KCNH1: variants seen among roughly 807,000 people sequenced by gnomAD.
KCNH1 encodes the protein voltage-gated delayed rectifier potassium channel KCNH1.
KCNH1 carries 27 observed loss-of-function variants against 69.2 expected under a neutral mutation model. The observed-to-expected ratio is 0.39, with a 90% CI of 0.29 to 0.54. The LOEUF (loss-of-function observed/expected upper bound fraction) is 0.54, where lower values mean the gene tolerates loss of function less well. Among genes scored for constraint, KCNH1 ranks in the 20% least tolerant of loss-of-function variants. The probability of loss-of-function intolerance (pLI) is 0.68; values close to 1 mark genes in which losing one functional copy is unlikely to be tolerated. For synonymous variants in KCNH1, 456 were observed against 487.7 expected (o/e 0.93, Z 0.86); for missense variants, 798 against 1,261.6 (o/e 0.63, Z 5.57).
intron 7 of KCNH1, among the ~76,000 whole-genome samples, chr1:210,827,841 C>CTGTT (rs761807594): frequency 6.6e-6 from 1 of 152,024 alleles, no homozygotes; most frequent in African/African-American, 2.4e-5. Flanking sequence ...CTCTTGTTTT[C>CTGTT]TGTTTGTTTG....
rs904007536 is a variant in KCNH1 at position 210,868,287 on chromosome 1, A to C, written c.1462+51353T>G. Among the ~76,000 whole-genome samples, 6 of 152,064 alleles carry C rather than the reference A, an allele frequency of 3.9e-5. 1 individual carries two copies. The highest frequency in any genetic ancestry group is 3.4e-3 in the Middle Eastern group (1 of 294). On this transcript the variant is annotated intron_variant, in intron 7 of 10. Coordinates refer to ENST00000271751, the MANE Select transcript of KCNH1 (RefSeq NM_172362.3). ...GTCCAAATCTTTTGCCTATTTAAAA[A>C]ATTTATTTTTAATTGAGTTGTATAA... is the stretch of plus-strand genomic sequence containing the variant.
chr1:210,765,259 G>T (rs947032992), intron 10 of KCNH1, among the ~76,000 whole-genome samples: 1 of 152,106 alleles, frequency 6.6e-6, no homozygotes, highest in Non-Finnish European at 1.5e-5. Context: ...TAATGGTGGC[G>T]GGTGGAAGGG....
intron 3 of KCNH1, among the ~76,000 whole-genome samples, chr1:211,093,460 A>T (rs903597899): frequency 4.0e-5 from 6 of 151,832 alleles, no homozygotes; most frequent in African/African-American, 1.5e-4. Context: ...TAATTTTTGT[A>T]TTTTTGGTAG....
intron 7 of KCNH1, among the ~76,000 whole-genome samples, chr1:210,889,776 G>A (rs1686704975): frequency 6.6e-6 from 1 of 152,106 alleles, no homozygotes; most frequent in Non-Finnish European, 1.5e-5. Context: ...CAAATCATGA[G>A]TGAACTCCCA....
At chr1:210,977,301 G>T (rs900878782) in intron 6 of KCNH1, among the ~76,000 whole-genome samples, 1 of 152,112 alleles carries the variant, frequency 6.6e-6, no homozygotes, top group Non-Finnish European at 1.5e-5. Flanking sequence ...TCGTGAGGTG[G>T]GGGGAGTGGG....
At chr1:210,977,374 C>T (rs1017142660) in intron 6 of KCNH1, among the ~76,000 whole-genome samples, 1 of 152,000 alleles carries the variant, frequency 6.6e-6, no homozygotes, top group African/African-American at 2.4e-5. Context: ...AGCACACCAA[C>T]ATGGCACATG....
Position 210,920,719 on chromosome 1 carries a change from T to G in KCNH1, c.1033-650A>C, listed in dbSNP as rs557257978. Among the ~76,000 whole-genome samples, 34 of 152,224 alleles carry G rather than the reference T, an allele frequency of 2.2e-4. 1 individual carries two copies. The highest frequency in any genetic ancestry group is 7.2e-4 in the Admixed American group (11 of 15,300). On this transcript the variant is annotated intron_variant, in intron 6 of 10. Transcript: ENST00000271751. ...AGTTTTTAAAAAGCTAAAAATAAATTAAGAAATAGCTGAGAAGAATAAAGA... is the reference window on the plus strand; with the variant it reads ...AGTTTTTAAAAAGCTAAAAATAAATGAAGAAATAGCTGAGAAGAATAAAGA...
intron 5 of KCNH1, among the ~76,000 whole-genome samples, chr1:211,048,484 T>G (rs1298772996): frequency 1.3e-5 from 2 of 152,112 alleles, no homozygotes; most frequent in Non-Finnish European, 2.9e-5. Context: ...TATATACATA[T>G]ATACATATAC....
chr1:210,822,292 G>A (rs532071947), intron 7 of KCNH1, among the ~76,000 whole-genome samples: 2 of 152,166 alleles, frequency 1.3e-5, no homozygotes, highest in Admixed American at 1.3e-4. Flanking sequence ...TCAGAGCCCT[G>A]GGATGTGGGA....
At chr1:210,860,349 TA>T in intron 7 of KCNH1, 1 of 1,451,952 alleles carries the variant, frequency 6.9e-7, no homozygotes, top group Non-Finnish European at 9.7e-7. Context: ...CATGCTGTTG[TA>T]AAACAGTACC....
chr1:211,099,311 T>G (rs1691215810), intron 3 of KCNH1, among the ~76,000 whole-genome samples: 1 of 152,180 alleles, frequency 6.6e-6, no homozygotes, highest in South Asian at 2.1e-4. Context: ...GGGTGTTTTT[T>G]TTTCTTTATA....
At chr1:210,906,647 T>C (rs1687108594) in intron 7 of KCNH1, among the ~76,000 whole-genome samples, 1 of 152,212 alleles carries the variant, frequency 6.6e-6, no homozygotes, top group African/African-American at 2.4e-5. Context: ...GGCCTGTCCA[T>C]AATAAAGTCG....
At chr1:210,841,266 T>A (rs1369130196) in intron 7 of KCNH1, among the ~76,000 whole-genome samples, 2 of 152,188 alleles carry the variant, frequency 1.3e-5, no homozygotes, top group Non-Finnish European at 1.5e-5. Flanking sequence ...GAAGCCAAGG[T>A]AGTTCAATAT....
At chr1:210,964,159 C>G (rs1249348112) in intron 6 of KCNH1, among the ~76,000 whole-genome samples, 1 of 152,166 alleles carries the variant, frequency 6.6e-6, no homozygotes, top group East Asian at 1.9e-4. Flanking sequence ...AAATAATTTT[C>G]AACCCAGAAT....
At chr1:210,801,439 C>T (rs1684424359) in intron 8 of KCNH1, among the ~76,000 whole-genome samples, 1 of 152,170 alleles carries the variant, frequency 6.6e-6, no homozygotes. Flanking sequence ...CTCTGGGCTC[C>T]AGAGTGAGTA....
Position 210,948,500 on chromosome 1 carries a change from A to G in KCNH1, c.1033-28431T>C, listed in dbSNP as rs114867020. ...ATACAGTCTCTGTCACAACTACTCA[A>G]TGCTGCCATTATAGTCCAAAAGCAG... On this transcript the variant is annotated intron_variant, in intron 6 of 10. Coordinates refer to ENST00000271751, the MANE Select transcript of KCNH1 (RefSeq NM_172362.3). 5.0e-3 allele frequency among the ~76,000 whole-genome samples: 764 copies of G among 152,262 alleles called. 9 individuals carry two copies. Among genetic ancestry groups the G allele is most frequent in the African/African-American group, 0.017 (725 of 41,556 alleles).
intron 7 of KCNH1, among the ~76,000 whole-genome samples, chr1:210,829,358 T>G (rs1685110520): frequency 6.6e-6 from 1 of 152,184 alleles, no homozygotes. Flanking sequence ...CCAGCGCTAT[T>G]TTTAGGGTCC....
chr1:210,809,583 G>A (rs1368391933), intron 7 of KCNH1, among the ~76,000 whole-genome samples: 1 of 152,174 alleles, frequency 6.6e-6, no homozygotes, highest in Admixed American at 6.5e-5. Flanking sequence ...TCAAAAAATG[G>A]CAGCATTAGC....
intron 7 of KCNH1, among the ~76,000 whole-genome samples, chr1:210,834,587 T>G (rs894839692): frequency 1.4e-5 from 2 of 145,130 alleles, no homozygotes; most frequent in Admixed American, 6.9e-5. Context: ...TAATGCTAGA[T>G]GACGAGTTAG....
Sources: allele counts gnomAD v4.1 joint callset (sites outside exome capture counted in the v4.1 genomes callset), GRCh38; gene constraint gnomAD v4.1.1; transcripts MANE v1.5; gene names NCBI Gene and HGNC (gene_info 2026-07-23, HGNC 2026-07-21).